CPLANE1: variants seen among roughly 807,000 people sequenced by gnomAD.
The protein encoded by CPLANE1 is ciliogenesis and planar polarity effector complex subunit 1.
In CPLANE1, 263 loss-of-function variants were observed where a neutral mutation model predicts 362.5. The observed-to-expected ratio is 0.73, with a 90% CI of 0.66 to 0.80. CPLANE1 has a LOEUF of 0.80. Among genes scored for constraint, CPLANE1 ranks in the 30% least tolerant of loss-of-function variants. The pLI is 0.00. For missense variants in CPLANE1, 3,461 were observed against 3,793.4 expected (o/e 0.91, Z 2.30); for synonymous variants, 1,212 against 1,302.6 (o/e 0.93, Z 1.50).
rs1378532026 is a variant in CPLANE1, at chr5:37,167,165, G to C, written c.7282C>G (p.Gln2428Glu). ...IPLENLIAFK[Q>E]SQQKLTHNLF... ...TTATGTGTTAGTTTCTGTTGGCTTT[G>C]TTTAAACGCAATGAGGTTTTCAAGT... The change falls in exon 35 of 53, where the codon CAA becomes GAA. Residue 2428 changes from glutamine to glutamate, a missense_variant. Around this residue, in one of 2 missense-constraint regions of CPLANE1, gnomAD observed 3,380 missense variants for 3,666.1 expected, o/e 0.92. Coordinates refer to ENST00000651892, the MANE Select transcript of CPLANE1 (RefSeq NM_001384732.1). 1 of 1,613,086 alleles carries C rather than the reference G, an allele frequency of 6.2e-7. No homozygotes were observed. The highest frequency in any genetic ancestry group is 8.5e-7 in the Non-Finnish European group (1 of 1,179,754).
At chr5:37,233,162 C>G (rs1279908460) in intron 8 of CPLANE1, among the ~76,000 whole-genome samples, 2 of 152,170 alleles carry the variant, frequency 1.3e-5, no homozygotes, top group Non-Finnish European at 2.9e-5. Context: ...ACATGGAATC[C>G]CACAGGCATC....
rs1376827261 is a variant in CPLANE1 at position 37,224,239 on chromosome 5, T to A, written c.2581+14A>T. ...TGCTAATATTATGGCACATATTTTT[T>A]AACACTCTCTTACCTTTCTCTTCGA... On this transcript the variant is annotated intron_variant, in intron 14 of 52. Coordinates refer to ENST00000651892, the MANE Select transcript of CPLANE1 (RefSeq NM_001384732.1). The A allele has an allele frequency of 2.6e-6, 4 of 1,525,452 alleles. No individual in the cohort carries two copies. The East Asian group carries it at 9.8e-5, about 38-fold the overall frequency. The allele number at this position is 1,525,452 out of a possible 1,614,324, so 94.5% of individuals were successfully genotyped here.
At chr5:37,161,117 G>C (rs1181704654) in intron 38 of CPLANE1, among the ~76,000 whole-genome samples, 3 of 152,194 alleles carry the variant, frequency 2.0e-5, no homozygotes, top group African/African-American at 4.8e-5. Flanking sequence ...CTAATGTATA[G>C]CTGGAAGAAG....
At chr5:37,098,944 A>G in the CPLANE1 span, among the ~76,000 whole-genome samples, 3 of 150,180 alleles carry the variant, frequency 2.0e-5, no homozygotes, top group African/African-American at 7.3e-5. Context: ...AAAAAAAAAA[A>G]GAGAAAGACT....
Position 37,209,588 on chromosome 5 carries a change from C to G in CPLANE1, c.2921-3163G>C. On this transcript the variant is annotated intron_variant, in intron 16 of 52. Coordinates refer to ENST00000651892, the MANE Select transcript of CPLANE1 (RefSeq NM_001384732.1). The surrounding 1 kb of genome is among the most constrained non-coding windows in gnomAD (Gnocchi z 4.6). ...GCTCCCTCTTAATAAGTGCCTCTAA[C>G]TCTTTAGTGGCAGATCACTTACAAA... The G allele has an allele frequency of 7.2e-7, 1 of 1,394,854 alleles. No individual in the cohort carries two copies. Among genetic ancestry groups the G allele is most frequent in the South Asian group, 1.2e-5 (1 of 86,554 alleles). 86.4% of individuals were successfully genotyped at this position (1,394,854 alleles called of 1,614,324 possible). A position where few individuals can be genotyped will look rare whatever the true frequency, so the allele number is the denominator to read the frequency against.
chr5:37,212,125 G>T, intron 16 of CPLANE1: 1 of 979,954 alleles, frequency 1.0e-6, no homozygotes, highest in Non-Finnish European at 1.7e-6. Flanking sequence ...CAGGAAAGGA[G>T]GATGACTGAA....
At chr5:37,193,766 T>C (rs1478077181) in intron 21 of CPLANE1, among the ~76,000 whole-genome samples, 2 of 151,974 alleles carry the variant, frequency 1.3e-5, no homozygotes, top group Non-Finnish European at 2.9e-5. Flanking sequence ...AGAAACAGGG[T>C]CTTGTTCTGC....
intron 38 of CPLANE1, among the ~76,000 whole-genome samples, chr5:37,158,646 T>C (rs1188402255): frequency 6.6e-6 from 1 of 152,210 alleles, no homozygotes; most frequent in African/African-American, 2.4e-5. Flanking sequence ...GTATCAGATA[T>C]AGTAAGTCAT....
At chr5:37,145,392 G>A (rs764871942) in intron 43 of CPLANE1, among the ~76,000 whole-genome samples, 17 of 152,170 alleles carry the variant, frequency 1.1e-4, no homozygotes, top group Non-Finnish European at 2.4e-4. Context: ...TCTATTGTTT[G>A]GGAGGTAGAT....
rs1195910610 is a variant in CPLANE1 at position 37,164,253 on chromosome 5, T to C, written c.7588+20A>G. ...TTTAACTCTAAACTTAGACATTACA[T>C]TAATCATACACATACATACCAAAAG... On this transcript the variant is annotated intron_variant, in intron 37 of 52. Transcript: ENST00000651892. 6 of 1,578,220 alleles carry C rather than the reference T, an allele frequency of 3.8e-6. No individual in the cohort carries two copies. Among genetic ancestry groups the C allele is most frequent in the Non-Finnish European group, 5.2e-6 (6 of 1,148,766 alleles).
chr5:37,123,278 G>A (rs746154450), intron 47 of CPLANE1, among the ~76,000 whole-genome samples: 1 of 152,216 alleles, frequency 6.6e-6, no homozygotes, highest in African/African-American at 2.4e-5. Context: ...TTACATGTGA[G>A]GTTCTTTTCA....
At chr5:37,132,824 G>T (rs1441741069) in intron 46 of CPLANE1, among the ~76,000 whole-genome samples, 1 of 152,174 alleles carries the variant, frequency 6.6e-6, no homozygotes, top group African/African-American at 2.4e-5. Context: ...CTGCTTTTGA[G>T]AACTTAGTCA....
chr5:37,175,982 T>A lies in CPLANE1; in HGVS notation c.5905A>T (p.Ile1969Phe). The stretch of plus-strand genomic sequence containing the variant: ...TGCCCAGGATGTGAAAAGGCTTCGA[T>A]CATACTATCAATAAAAATTAACAGG... ...EEKSTEQKGM[I>F]EAFSHPGHTT... Residue 1969 changes from isoleucine (I) to phenylalanine (F), a missense_variant, in exon 31 of 53, where the codon ATC becomes TTC. Transcript: ENST00000651892. The A allele has an allele frequency of 2.5e-6, 4 of 1,607,888 alleles. No individual in the cohort carries two copies. Among genetic ancestry groups the A allele is most frequent in the Non-Finnish European group, 3.4e-6 (4 of 1,174,792 alleles).
At chr5:37,208,806 G>C (rs919761906) in intron 16 of CPLANE1, among the ~76,000 whole-genome samples, 4 of 150,276 alleles carry the variant, frequency 2.7e-5, no homozygotes, top group Non-Finnish European at 5.9e-5. Context: ...CTCCATAACA[G>C]TTATAACCAT....
chr5:37,137,425 C>G (rs541977380), intron 46 of CPLANE1, among the ~76,000 whole-genome samples: 1 of 152,328 alleles, frequency 6.6e-6, no homozygotes, highest in African/African-American at 2.4e-5. Flanking sequence ...CTGAGTCCTA[C>G]AAACTGTTCC....
Position 37,148,256 on chromosome 5 carries a change from C to T in CPLANE1, c.8386G>A (p.Asp2796Asn). 4 of 1,608,246 alleles carry T rather than the reference C, an allele frequency of 2.5e-6. No individual in the cohort carries two copies. The highest frequency in any genetic ancestry group is 3.4e-6 in the Non-Finnish European group (4 of 1,176,250). The change falls in exon 43 of 53, where the codon GAT (aspartate) becomes AAT (asparagine). Residue 2796 changes from aspartate to asparagine, a missense_variant. Asp to Asn is a conservative substitution (Grantham distance 23). Coordinates refer to ENST00000651892, the MANE Select transcript of CPLANE1 (RefSeq NM_001384732.1). ...DLHCDKIGPV[D>N]HIEFSSGPEF... is the part of the protein sequence containing the mutation. ...GGGCCAGAAGAGAATTCAATGTGAT[C>T]CACTGGTCCAATCTGTAGAAAAAAC...
chr5:37,239,603 A>C, intron 7 of CPLANE1, 110 bp downstream of exon 7: 3 of 703,394 alleles, frequency 4.3e-6, no homozygotes, highest in African/African-American at 2.0e-5. Context: ...AAAAAAAACC[A>C]GAAAGAAAAA....
chr5:37,122,052 A>G (rs1357196525), intron 48 of CPLANE1, among the ~76,000 whole-genome samples: 1 of 151,826 alleles, frequency 6.6e-6, no homozygotes, highest in Non-Finnish European at 1.5e-5. Flanking sequence ...GGCTAATTTC[A>G]CTTAGCATTT....
rs1796535496 is a variant in CPLANE1 at position 37,226,682 on chromosome 5, T to C, written c.1913A>G (p.Gln638Arg). 6.4e-7 allele frequency: 1 copy of C among 1,550,956 alleles called. No homozygotes were observed. ...RHNAWILCIF[Q>R]LFHQCLSIHY... ...GATTGATAAACACTGATGAAAAAGT[T>C]GAAAGATACAAAGTATCCATGCATT... The change falls in exon 12 of 53, where the codon CAA becomes CGA. Residue 638 changes from glutamine to arginine, a missense_variant. Transcript: ENST00000651892.
Sources: gnomAD v4.1 joint callset for allele counts (sites outside exome capture counted in the v4.1 genomes callset) on GRCh38, gnomAD v4.1.1 for gene constraint, gnomAD v4.1.1 regional missense constraint, Gnocchi (gnomAD v3.1) non-coding constraint, MANE v1.5 for transcripts, NCBI Gene and HGNC (gene_info 2026-07-23, HGNC 2026-07-21) for gene names.